Variants in BDP1 observed in about 807,000 individuals in gnomAD.
BDP1 encodes transcription factor TFIIIB component B'' homolog.
In BDP1, 169 loss-of-function variants were observed where a neutral mutation model predicts 266.6. The ratio of observed to expected loss-of-function variants is 0.63; its 90% CI spans 0.56 to 0.72. BDP1 has a LOEUF of 0.72. Among genes scored for constraint, BDP1 ranks in the 30% least tolerant of loss-of-function variants. The probability of loss-of-function intolerance (pLI) is 0.00; values close to 1 mark genes in which losing one functional copy is unlikely to be tolerated. For synonymous variants in BDP1, 1,090 were observed against 1,022.4 expected (o/e 1.07, Z -1.26); for missense variants, 3,015 against 3,053.8 (o/e 0.99, Z 0.30).
chr5:71,565,081 T>A lies in BDP1; in HGVS notation c.*196T>A. ...TGAGGTTCCTTTCATTCTGACTGATTCAGCATTTTGCAAATAGCAAGCAAT... is the reference window on the plus strand; with the variant it reads ...TGAGGTTCCTTTCATTCTGACTGATACAGCATTTTGCAAATAGCAAGCAAT... On this transcript the variant is annotated 3_prime_UTR_variant, in exon 39 of 39. Transcript: ENST00000358731. 1 of 543,524 alleles carries A rather than the reference T, an allele frequency of 1.8e-6. No individual in the cohort carries two copies. The highest frequency in any genetic ancestry group is 3.2e-6 in the Non-Finnish European group (1 of 316,936). 33.7% of individuals were successfully genotyped at this position (543,524 alleles called of 1,614,324 possible).
At chr5:71,470,349 T>C (rs1486772736) in intron 6 of BDP1, 46 bp from the exon 7 acceptor site, 5 of 1,317,320 alleles carry the variant, frequency 3.8e-6, no homozygotes, top group Admixed American at 3.8e-5. Flanking sequence ...CTCTGAAATA[T>C]TGATATAATT....
At chr5:71,551,887 C>A (rs1360152716) in intron 34 of BDP1, among the ~76,000 whole-genome samples, 1 of 149,900 alleles carries the variant, frequency 6.7e-6, no homozygotes, top group African/African-American at 2.5e-5. Context: ...GACGGGGCAG[C>A]TGGCCAGGCG....
chr5:71,569,135 A>G (rs938951892), downstream of BDP1, among the ~76,000 whole-genome samples: 1 of 152,224 alleles, frequency 6.6e-6, no homozygotes. Flanking sequence ...ACTTTATTGC[A>G]CATCAGACTC....
At chr5:71,574,515 G>A in the BDP1 span, among the ~76,000 whole-genome samples, 4 of 152,176 alleles carry the variant, frequency 2.6e-5, no homozygotes, top group African/African-American at 9.7e-5. Flanking sequence ...AGATCTACCC[G>A]CTAGAGAAAG....
At chr5:71,550,231 C>T (rs1223416812) in intron 34 of BDP1, among the ~76,000 whole-genome samples, 1 of 152,118 alleles carries the variant, frequency 6.6e-6, no homozygotes, top group Non-Finnish European at 1.5e-5. Flanking sequence ...ACTACAAATA[C>T]AAAAATTAGC....
chr5:71,544,258 C>CTATA, intron 30 of BDP1, 99 bp from the exon 31 acceptor site: 1 of 1,106,092 alleles, frequency 9.0e-7, no homozygotes, highest in African/African-American at 1.6e-5. Flanking sequence ...GGAAGAGTCA[C>CTATA]TATATAGGAA....
chr5:71,502,173 CT>C (rs927029305), intron 14 of BDP1, among the ~76,000 whole-genome samples: 22 of 145,852 alleles, frequency 1.5e-4, no homozygotes, highest in South Asian at 4.4e-4. Context: ...AGGATTATGT[CT>C]TTTTTTTTCT....
chr5:71,512,169 C>CT lies in BDP1; in HGVS notation c.4060-68dup. On this transcript the variant is annotated intron_variant, in intron 17 of 38. Coordinates refer to ENST00000358731, the MANE Select transcript of BDP1 (RefSeq NM_018429.3). ...AGGAAAGTGTTTAGAATTTAGTAGACTTTTGTTTTAAATATATAAGATGTT... is the reference window on the plus strand; with the variant it reads ...AGGAAAGTGTTTAGAATTTAGTAGACTTTTTGTTTTAAATATATAAGATGTT... The CT allele has an allele frequency of 5.4e-6, 4 of 741,844 alleles. No homozygotes were observed. In the South Asian group the frequency reaches 1.9e-4, roughly 36 times the overall value. The allele number at this position is 741,844 out of a possible 1,614,324, so 46.0% of individuals were successfully genotyped here. A position where few individuals can be genotyped will look rare whatever the true frequency, so the allele number is the denominator to read the frequency against.
At chr5:71,544,162 T>C (rs1742078812) in intron 30 of BDP1, among the ~76,000 whole-genome samples, 195 bp from the exon 31 acceptor site, 2 of 152,218 alleles carry the variant, frequency 1.3e-5, no homozygotes, top group Admixed American at 6.5e-5. Context: ...CAGGATTTAT[T>C]AATCATGTGT....
At chr5:71,525,535 G>A (rs1205042480) in intron 25 of BDP1, among the ~76,000 whole-genome samples, 3 of 130,504 alleles carry the variant, frequency 2.3e-5, no homozygotes, top group Non-Finnish European at 5.1e-5. Flanking sequence ...TGGCCGGGCG[G>A]GGGGCTGACC....
rs766890634 is a variant in BDP1 at position 71,486,568 on chromosome 5, CTG to C, written c.1156_1157del (p.Val386Ter). ...GAAGAAGAGAAAAGAAAACAAAAAT[CTG>C]TTAAAAATCACAGTTTAAAGGAGAA... On this transcript the variant is annotated frameshift_variant, in exon 9 of 39. Coordinates refer to ENST00000358731, the MANE Select transcript of BDP1 (RefSeq NM_018429.3). LOFTEE classifies it high-confidence loss of function. 2.5e-5 allele frequency: 38 copies of C among 1,542,238 alleles called. No homozygotes were observed. The highest frequency in any genetic ancestry group is 3.2e-5 in the Non-Finnish European group (37 of 1,157,936).
At chr5:71,555,640 T>C (rs552612729) in intron 35 of BDP1, among the ~76,000 whole-genome samples, 1 of 152,194 alleles carries the variant, frequency 6.6e-6, no homozygotes, top group South Asian at 2.1e-4. Flanking sequence ...GGTTTCTCCA[T>C]GTTGGTTAGG....
intron 7 of BDP1, among the ~76,000 whole-genome samples, chr5:71,471,580 G>GAT (rs1380261858): frequency 4.6e-5 from 7 of 152,168 alleles, no homozygotes; most frequent in Non-Finnish European, 1.0e-4. Context: ...ACAACCAGTG[G>GAT]CACTAATAAC....
intron 25 of BDP1, among the ~76,000 whole-genome samples, chr5:71,529,856 C>A (rs978326310): frequency 2.0e-5 from 3 of 151,976 alleles, no homozygotes; most frequent in African/African-American, 7.3e-5. Context: ...TAAGGAAGTC[C>A]ACAGAGACAG....
intron 26 of BDP1, among the ~76,000 whole-genome samples, chr5:71,537,409 G>A (rs1256920312): frequency 1.3e-5 from 2 of 152,094 alleles, no homozygotes; most frequent in South Asian, 2.1e-4. Context: ...GGATGAGGTG[G>A]GATTTCCTTC....
chr5:71,552,690 C>T lies in BDP1; in HGVS notation c.6996-426C>T, dbSNP rs192772867. On this transcript the variant is annotated intron_variant, in intron 34 of 38. Transcript: ENST00000358731. ...CGAAAACCAGTCAGGTGTGGTGTCG[C>T]GCGCCTGCAATCGCAGGCACTCGGC... Among the ~76,000 whole-genome samples the T allele has an allele frequency of 2.5e-3, 378 of 148,508 alleles. 1 individual carries two copies. The highest frequency in any genetic ancestry group is 8.3e-3 in the African/African-American group (337 of 40,598).
intron 16 of BDP1, among the ~76,000 whole-genome samples, chr5:71,508,351 T>G (rs1320515534): frequency 1.3e-5 from 2 of 152,180 alleles, no homozygotes; most frequent in Non-Finnish European, 2.9e-5. Flanking sequence ...TTGCCCAATC[T>G]GGAGTGCAGT....
At position 71,567,806 on chromosome 5, in the gene BDP1, A is replaced by C; in HGVS notation, c.*2921A>C. The C allele has an allele frequency of 6.6e-6, 1 of 152,306 alleles. No individual in the cohort carries two copies. The highest frequency in any genetic ancestry group is 1.9e-4 in the East Asian group (1 of 5,206). The allele number at this position is 152,306 out of a possible 1,614,324, so 9.4% of individuals were successfully genotyped here. On this transcript the variant is annotated 3_prime_UTR_variant, in exon 39 of 39. Transcript: ENST00000358731. ...TATATATATAAATTATGTAAATAAAAGTTATTTTATATCATTTCTGTTGTG... is the reference window on the plus strand; with the variant it reads ...TATATATATAAATTATGTAAATAAACGTTATTTTATATCATTTCTGTTGTG...
intron 6 of BDP1, among the ~76,000 whole-genome samples, chr5:71,469,513 A>G (rs762071017): frequency 2.0e-5 from 3 of 152,116 alleles, no homozygotes; most frequent in Non-Finnish European, 4.4e-5. Flanking sequence ...GTGTAACCCT[A>G]TCCTGAGTAT....
Sources: gnomAD v4.1 joint callset for allele counts (sites outside exome capture counted in the v4.1 genomes callset) on GRCh38, gnomAD v4.1.1 for gene constraint, MANE v1.5 for transcripts, NCBI Gene and HGNC (gene_info 2026-07-23, HGNC 2026-07-21) for gene names.